Variants in FARP1 observed in about 807,000 individuals in gnomAD.
FARP1 encodes the protein FERM, ARH/RhoGEF and pleckstrin domain protein 1.
Under a neutral mutation model 128.8 loss-of-function variants are expected in FARP1, and 52 were observed. That is an observed-to-expected ratio of 0.40 (90% CI 0.32 to 0.51). The LOEUF (loss-of-function observed/expected upper bound fraction) is 0.51. FARP1 is among the 20% of genes least tolerant of loss of function. FARP1 has a pLI of 0.45. For synonymous variants in FARP1, 580 were observed against 551.8 expected (o/e 1.05, Z -0.72); for missense variants, 1,333 against 1,367.9 (o/e 0.97, Z 0.40).
At chr13:98,379,659 T>C (rs1261880810) in intron 6 of FARP1, among the ~76,000 whole-genome samples, 1 of 152,166 alleles carries the variant, frequency 6.6e-6, no homozygotes, top group Non-Finnish European at 1.5e-5. Flanking sequence ...TATAAAATGG[T>C]GTCGTATTTG....
At chr13:98,275,336 GGAGA>G (rs58331449) in intron 2 of FARP1, among the ~76,000 whole-genome samples, 36,559 of 143,472 alleles carry the variant, frequency 0.25, 5,234 homozygotes, top group South Asian at 0.46. Context: ...ATGTGGGTAA[GGAGA>G]GAGAGAGAGA....
chr13:98,311,593 G>C (rs1276857765), intron 2 of FARP1, among the ~76,000 whole-genome samples: 2 of 152,126 alleles, frequency 1.3e-5, no homozygotes, highest in Admixed American at 1.3e-4. Context: ...GCACACACGT[G>C]CACACGTTGG....
At chr13:98,229,521 CAG>C (rs1881987964) in intron 2 of FARP1, among the ~76,000 whole-genome samples, 1 of 149,654 alleles carries the variant, frequency 6.7e-6, no homozygotes, top group Admixed American at 6.7e-5. Context: ...TTTTTGGAGA[CAG>C]GGTCTCTCTG....
intron 2 of FARP1, among the ~76,000 whole-genome samples, chr13:98,340,071 T>TGTATATTA (rs1371548649): frequency 6.7e-6 from 1 of 149,850 alleles, no homozygotes; most frequent in African/African-American, 2.5e-5. Flanking sequence ...AGACATCCAC[T>TGTATATTA]GTATATTAGT....
chr13:98,316,985 C>G (rs1299148721), intron 2 of FARP1, among the ~76,000 whole-genome samples: 2 of 152,136 alleles, frequency 1.3e-5, no homozygotes, highest in African/African-American at 4.8e-5. Flanking sequence ...CTGAAATCAC[C>G]CCCAGAATTA....
intron 11 of FARP1, among the ~76,000 whole-genome samples, chr13:98,392,465 C>T (rs894464441): frequency 6.6e-6 from 1 of 150,984 alleles, no homozygotes; most frequent in African/African-American, 2.4e-5. Flanking sequence ...GTGCCACTGC[C>T]CTCCATCTCT....
At chr13:98,447,825 A>G (rs1450988786) in intron 26 of FARP1, 2 of 180,220 alleles carry the variant, frequency 1.1e-5, no homozygotes, top group Admixed American at 5.9e-5. Flanking sequence ...AGTATGAGTG[A>G]CAGAGCCAGA....
chr13:98,395,931 T>C (rs752496750), intron 13 of FARP1: 3 of 399,242 alleles, frequency 7.5e-6, no homozygotes, highest in Non-Finnish European at 8.8e-6. Flanking sequence ...CTCAAGGCTA[T>C]GTTTCGGAAA....
chr13:98,343,927 G>T, intron 3 of FARP1, 61 bp downstream of exon 3: 1 of 1,057,970 alleles, frequency 9.5e-7, no homozygotes. Context: ...GGGGGGCTGG[G>T]CAGGGGCCAG....
chr13:98,244,539 G>T, intron 2 of FARP1: 3 of 1,614,172 alleles, frequency 1.9e-6, no homozygotes, highest in Non-Finnish European at 2.5e-6. Context: ...CTCCTGGACG[G>T]GTTGGGTACT....
At chr13:98,254,492 A>C (rs1340613836) in intron 2 of FARP1, among the ~76,000 whole-genome samples, 1 of 152,196 alleles carries the variant, frequency 6.6e-6, no homozygotes, top group East Asian at 1.9e-4. Flanking sequence ...AAAAGTGGGT[A>C]TTCTATCCCA....
chr13:98,177,430 C>T (rs918796637), intron 1 of FARP1, among the ~76,000 whole-genome samples: 11 of 152,084 alleles, frequency 7.2e-5, no homozygotes, highest in African/African-American at 2.4e-4. Context: ...GAGAATCACC[C>T]GAGGTCAGCA....
At chr13:98,228,174 C>T (rs1448669795) in intron 2 of FARP1, among the ~76,000 whole-genome samples, 1 of 152,182 alleles carries the variant, frequency 6.6e-6, no homozygotes, top group South Asian at 2.1e-4. Context: ...GTCTGACCAA[C>T]ATGGTGAAAC....
Position 98,179,729 on chromosome 13 carries a change from T to C in FARP1, c.-23-33491T>C, listed in dbSNP as rs553838822. ...AAAATTAGCTGGGCGTGGTGGCGGG[T>C]GCCTGTAGCCCCAGCTACTCGGAAG... On this transcript the variant is annotated intron_variant, in intron 1 of 26. Coordinates refer to ENST00000319562, the MANE Select transcript of FARP1 (RefSeq NM_005766.4). Among the ~76,000 whole-genome samples, 36 of 151,730 alleles carry C rather than the reference T, an allele frequency of 2.4e-4. No individual in the cohort carries two copies. In the East Asian group the frequency reaches 4.1e-3, roughly 17 times the overall value.
intron 1 of FARP1, among the ~76,000 whole-genome samples, chr13:98,209,936 T>G (rs1880572331): frequency 6.6e-6 from 1 of 150,736 alleles, no homozygotes; most frequent in South Asian, 2.1e-4. Flanking sequence ...GAGCCGAGAT[T>G]GCGCCACTGC....
chr13:98,439,069 A>T, intron 20 of FARP1, 38 bp from the exon 21 acceptor site: 2 of 1,559,846 alleles, frequency 1.3e-6, no homozygotes, highest in Non-Finnish European at 1.8e-6. Flanking sequence ...CTGCTGTCCA[A>T]ACGTGGTCTC....
chr13:98,453,164 A>G lies in FARP1; in HGVS notation c.*4847A>G, dbSNP rs376463773. 6.2e-7 allele frequency: 1 copy of G among 1,613,808 alleles called. No homozygotes were observed. The highest frequency in any genetic ancestry group is 8.5e-7 in the Non-Finnish European group (1 of 1,179,918). ...AAGGAAAAACAAAACCCCAAATGCCAAAGGAATTTCAGTGGGATGAAGTTC... is the reference window on the plus strand; with the variant it reads ...AAGGAAAAACAAAACCCCAAATGCCGAAGGAATTTCAGTGGGATGAAGTTC... On this transcript the variant is annotated 3_prime_UTR_variant, in exon 27 of 27. Coordinates refer to ENST00000319562, the MANE Select transcript of FARP1 (RefSeq NM_005766.4).
intron 5 of FARP1, among the ~76,000 whole-genome samples, chr13:98,370,478 A>G (rs1889278705): frequency 6.7e-6 from 1 of 148,740 alleles, no homozygotes; most frequent in Non-Finnish European, 1.5e-5. Flanking sequence ...TGTGTTTGGA[A>G]CAGGTACCGG....
chr13:98,404,823 C>T (rs1292141755), intron 13 of FARP1: 1 of 152,068 alleles, frequency 6.6e-6, no homozygotes, highest in Non-Finnish European at 1.5e-5. Context: ...ATTGAGAATG[C>T]AATCAGTAGT....
Sources: allele counts gnomAD v4.1 joint callset (sites outside exome capture counted in the v4.1 genomes callset), GRCh38; gene constraint gnomAD v4.1.1; transcripts MANE v1.5; gene names NCBI Gene and HGNC (gene_info 2026-07-23, HGNC 2026-07-21).